The following MAF variants were observed in gnomAD, a reference collection of about 807,000 sequenced individuals.
MAF encodes the protein transcription factor Maf.
Under a neutral mutation model 22.0 loss-of-function variants are expected in MAF, and 10 were observed. The observed-to-expected ratio is 0.45, with a 90% CI of 0.28 to 0.77. The LOEUF (loss-of-function observed/expected upper bound fraction) is 0.77, where lower values mean the gene tolerates loss of function less well. MAF is among the 30% of genes least tolerant of loss of function. The pLI, the probability that MAF is intolerant of heterozygous loss-of-function variation, is 0.12. For synonymous variants in MAF, 337 were observed against 255.8 expected, an observed-to-expected ratio of 1.32 and a Z score of -3.03; for missense variants, 544 against 548.4, an observed-to-expected ratio of 0.99 and a Z score of 0.08.
At chr16:79,224,140 C>A in the MAF span, among the ~76,000 whole-genome samples, 1 of 152,170 alleles carries the variant, frequency 6.6e-6, no homozygotes, top group Admixed American at 6.5e-5. Flanking sequence ...AATCCAGCAG[C>A]ACATCAAAAA....
the MAF span, among the ~76,000 whole-genome samples, chr16:79,506,551 G>T: frequency 6.6e-6 from 1 of 152,208 alleles, no homozygotes; most frequent in South Asian, 2.1e-4. Context: ...CTGAAACCAG[G>T]GCTGGTAGAT....
chr16:79,542,400 A>G, the MAF span, among the ~76,000 whole-genome samples: 1 of 152,192 alleles, frequency 6.6e-6, no homozygotes, highest in African/African-American at 2.4e-5. Context: ...TGGATTAGAT[A>G]GAGTCAAGGC....
chr16:79,390,540 A>G, the MAF span, among the ~76,000 whole-genome samples: 16 of 152,276 alleles, frequency 1.1e-4, no homozygotes, highest in African/African-American at 3.1e-4. Flanking sequence ...TCTTTTTACA[A>G]CTGCTAACAA....
the MAF span, among the ~76,000 whole-genome samples, chr16:79,321,573 G>A: frequency 6.6e-6 from 1 of 151,882 alleles, no homozygotes; most frequent in African/African-American, 2.4e-5. Flanking sequence ...CAGAGGGAAA[G>A]GCATCACCAG....
At chr16:79,332,863 G>C in the MAF span, among the ~76,000 whole-genome samples, 1 of 152,216 alleles carries the variant, frequency 6.6e-6, no homozygotes, top group African/African-American at 2.4e-5. Context: ...ACCTGGAAGG[G>C]AAGTAGTTTG....
the MAF span, among the ~76,000 whole-genome samples, chr16:79,298,791 C>T: frequency 2.0e-5 from 3 of 152,244 alleles, no homozygotes; most frequent in African/African-American, 7.2e-5. Flanking sequence ...GGACACCCAG[C>T]AGGGCCTTGC....
At chr16:79,596,432 G>C (rs187588224) in intron 1 of MAF, 2 of 1,054,874 alleles carry the variant, frequency 1.9e-6, no homozygotes, top group African/African-American at 1.7e-5. Flanking sequence ...CTTTTAACGA[G>C]GTTGTTGGGC....
At chr16:79,227,405 A>G in the MAF span, among the ~76,000 whole-genome samples, 442 of 152,168 alleles carry the variant, frequency 2.9e-3, 7 homozygotes, top group Admixed American at 0.022. Context: ...ATTACCTTTC[A>G]TTGCTGTGTG....
the MAF span, among the ~76,000 whole-genome samples, chr16:79,386,645 T>C: frequency 3.9e-5 from 6 of 152,040 alleles, no homozygotes; most frequent in African/African-American, 1.2e-4. Flanking sequence ...TTATAATATC[T>C]AAGGTATGTT....
intron 1 of MAF, chr16:79,597,467 T>C: frequency 9.7e-7 from 1 of 1,026,194 alleles, no homozygotes; most frequent in Non-Finnish European, 1.2e-6. Flanking sequence ...GTCCCCAAAG[T>C]GGGGCGTCAT....
At chr16:79,279,419 G>C in the MAF span, among the ~76,000 whole-genome samples, 1 of 152,190 alleles carries the variant, frequency 6.6e-6, no homozygotes, top group African/African-American at 2.4e-5. Context: ...GTGGCTCTGA[G>C]TTTCATTCTG....
chr16:79,442,653 C>A, the MAF span, among the ~76,000 whole-genome samples: 1 of 152,198 alleles, frequency 6.6e-6, no homozygotes, highest in Admixed American at 6.5e-5. Flanking sequence ...TTCAAAGGAT[C>A]CTCCTGCCTT....
At chr16:79,465,555 G>A in the MAF span, among the ~76,000 whole-genome samples, 2 of 152,234 alleles carry the variant, frequency 1.3e-5, no homozygotes, top group African/African-American at 2.4e-5. Flanking sequence ...TCCCGTGATC[G>A]CACCACCACA....
downstream of MAF, among the ~76,000 whole-genome samples, chr16:79,590,052 C>T (rs1457339492): frequency 5.3e-5 from 8 of 152,284 alleles, no homozygotes; most frequent in African/African-American, 1.9e-4. Context: ...ACCTACTGTA[C>T]GCCCCTCGGG....
the MAF span, among the ~76,000 whole-genome samples, chr16:79,244,961 TG>T: frequency 6.6e-6 from 1 of 151,998 alleles, no homozygotes; most frequent in Admixed American, 6.6e-5. Context: ...AAACAATCAA[TG>T]GGGAAAGGTT....
At chr16:79,572,231 C>T in the MAF span, among the ~76,000 whole-genome samples, 3 of 152,144 alleles carry the variant, frequency 2.0e-5, no homozygotes, top group African/African-American at 7.2e-5. Flanking sequence ...AGTCTGGTAG[C>T]AACACCACAG....
the MAF span, among the ~76,000 whole-genome samples, chr16:79,446,512 G>C: frequency 2.6e-5 from 4 of 152,122 alleles, no homozygotes; most frequent in East Asian, 1.9e-4. Flanking sequence ...AACTTATAGT[G>C]TTATGATCAC....
At chr16:79,321,627 G>A in the MAF span, among the ~76,000 whole-genome samples, 1 of 149,668 alleles carries the variant, frequency 6.7e-6, no homozygotes, top group Non-Finnish European at 1.5e-5. Flanking sequence ...AAGACTGGGT[G>A]TATGTGTTTT....
chr16:79,238,315 T>C, the MAF span, among the ~76,000 whole-genome samples: 7 of 152,252 alleles, frequency 4.6e-5, no homozygotes, highest in African/African-American at 1.7e-4. Context: ...TCTGCTTCTT[T>C]CCTGGCTCTT....
Sources: gnomAD v4.1 joint callset for allele counts (sites outside exome capture counted in the v4.1 genomes callset) on GRCh38, gnomAD v4.1.1 for gene constraint, MANE v1.5 for transcripts, NCBI Gene and HGNC (gene_info 2026-07-23, HGNC 2026-07-21) for gene names.